The following ERC2 variants were observed in gnomAD, a reference collection of about 807,000 sequenced individuals.
ERC2 encodes ERC protein 2.
A neutral mutation model predicts 114.8 loss-of-function variants in ERC2; 42 were observed. That is an observed-to-expected ratio of 0.37 (90% confidence interval 0.29 to 0.47). ERC2 has a LOEUF of 0.47. Among genes scored for constraint, ERC2 ranks in the 20% least tolerant of loss-of-function variants. The pLI is 0.99. For synonymous variants in ERC2, 454 were observed against 425.5 expected, an observed-to-expected ratio of 1.07 and a Z score of -0.82; for missense variants, 939 against 1,150.7, an observed-to-expected ratio of 0.82 and a Z score of 2.66.
At chr3:56,360,518 T>C (rs563494355) in intron 2 of ERC2, among the ~76,000 whole-genome samples, 100 of 152,234 alleles carry the variant, frequency 6.6e-4, no homozygotes, top group Admixed American at 9.8e-4. Flanking sequence ...ACAATGTGTT[T>C]TGGGAGCTCC....
chr3:55,604,847 A>C (rs768142410), intron 17 of ERC2, among the ~76,000 whole-genome samples: 40 of 152,186 alleles, frequency 2.6e-4, no homozygotes, highest in Non-Finnish European at 4.4e-4. Context: ...CACATCATGG[A>C]CTGGTAGAAT....
At chr3:55,569,108 A>G (rs1177667609) in intron 17 of ERC2, among the ~76,000 whole-genome samples, 2 of 152,164 alleles carry the variant, frequency 1.3e-5, no homozygotes, top group African/African-American at 4.8e-5. Flanking sequence ...GTTGAGGGGG[A>G]GGGGCTGCAC....
chr3:56,222,643 G>A (rs1309609243), intron 3 of ERC2, among the ~76,000 whole-genome samples: 4 of 152,194 alleles, frequency 2.6e-5, no homozygotes, highest in African/African-American at 9.6e-5. Flanking sequence ...TGGAAGGTCA[G>A]AGTACAGTCA....
chr3:55,728,888 G>A (rs148380083), intron 15 of ERC2, among the ~76,000 whole-genome samples: 5 of 152,290 alleles, frequency 3.3e-5, no homozygotes, highest in South Asian at 2.1e-4. Flanking sequence ...TAAAAATCTC[G>A]TCAGGTGTGA....
intron 1 of ERC2, among the ~76,000 whole-genome samples, chr3:56,454,860 G>GA (rs1193227476): frequency 1.2e-3 from 23 of 18,884 alleles, no homozygotes; most frequent in East Asian, 4.0e-3. Flanking sequence ...CTCTGTCTCA[G>GA]AAAAAAAAAA....
chr3:56,172,422 A>G (rs982572091), intron 4 of ERC2, among the ~76,000 whole-genome samples: 1 of 152,218 alleles, frequency 6.6e-6, no homozygotes, highest in Admixed American at 6.5e-5. Flanking sequence ...GCACATGCCA[A>G]GAATTCAAGA....
intron 7 of ERC2, among the ~76,000 whole-genome samples, chr3:56,032,917 A>AGAGAGAC (rs1560056305): frequency 4.1e-4 from 31 of 76,038 alleles, no homozygotes; most frequent in African/African-American, 6.1e-4. Flanking sequence ...GAAAGAAAGA[A>AGAGAGAC]AGAAAGAAAG....
chr3:55,549,738 A>G (rs1181006209), intron 17 of ERC2, among the ~76,000 whole-genome samples: 1 of 151,848 alleles, frequency 6.6e-6, no homozygotes, highest in Admixed American at 6.6e-5. Context: ...GCCTGCTTTC[A>G]AAAGATGAAC....
In ERC2 at chr3:55,659,894, T is replaced by C. The variant is rs1249057911; in HGVS notation, c.*39+23900A>G. Among the ~76,000 whole-genome samples, 5 of 152,054 alleles carry C rather than the reference T, an allele frequency of 3.3e-5. No individual in the cohort carries two copies. In the South Asian group the frequency reaches 1.0e-3, roughly 32 times the overall value. Reference sequence around the variant, plus strand: ...AGGGTCACTACTTCTGGCTTCTGAATCTCGGTATGGCGTCTCTCCCATATT... The same window carrying C: ...AGGGTCACTACTTCTGGCTTCTGAACCTCGGTATGGCGTCTCTCCCATATT... On this transcript the variant is annotated intron_variant, in intron 17 of 17. Coordinates refer to ENST00000288221, the MANE Select transcript of ERC2 (RefSeq NM_015576.3).
At chr3:55,999,446 C>T (rs2071858860) in intron 10 of ERC2, among the ~76,000 whole-genome samples, 1 of 152,088 alleles carries the variant, frequency 6.6e-6, no homozygotes, top group African/African-American at 2.4e-5. Context: ...TCCTTGTTTA[C>T]TCTGACATAG....
intron 14 of ERC2, among the ~76,000 whole-genome samples, chr3:55,769,424 TC>T (rs1158782887): frequency 2.0e-5 from 3 of 151,906 alleles, no homozygotes; most frequent in East Asian, 3.9e-4. Context: ...TCTGAGCACA[TC>T]TTAGGGGGAA....
chr3:55,647,788 C>T, intron 17 of ERC2, among the ~76,000 whole-genome samples: 1 of 152,218 alleles, frequency 6.6e-6, no homozygotes, highest in East Asian at 1.9e-4. Flanking sequence ...CTTCATGTTT[C>T]AATCCCAGAA....
chr3:55,734,909 T>G lies in ERC2; in HGVS notation c.2574A>C (p.Ala858=), dbSNP rs895554886. 4 of 1,595,788 alleles carry G rather than the reference T, an allele frequency of 2.5e-6. No homozygotes were observed. In the Admixed American group the frequency reaches 7.0e-5, roughly 28 times the overall value. ...LEEILEMKQE[A]LLAAISEKDA... ...CTTTTTCACTGATGGCTGCAAGTAGTGCTTCCTGTCTGGTAAAATAAAGAT... is the reference window on the plus strand; with the variant it reads ...CTTTTTCACTGATGGCTGCAAGTAGGGCTTCCTGTCTGGTAAAATAAAGAT... The change falls in exon 15 of 18, where the codon GCA becomes GCC. Residue 858 remains alanine (A), a synonymous_variant. Coordinates refer to ENST00000288221, the MANE Select transcript of ERC2 (RefSeq NM_015576.3).
At chr3:55,533,421 T>A (rs577729361) in intron 17 of ERC2, among the ~76,000 whole-genome samples, 2 of 152,366 alleles carry the variant, frequency 1.3e-5, no homozygotes, top group South Asian at 2.1e-4. Flanking sequence ...CAACGTTTGC[T>A]GCATGCCCTG....
At chr3:56,315,370 A>G (rs1208997897) in intron 2 of ERC2, among the ~76,000 whole-genome samples, 2 of 152,232 alleles carry the variant, frequency 1.3e-5, no homozygotes, top group African/African-American at 4.8e-5. Flanking sequence ...AGTCAAAGCA[A>G]AAACCAGAAA....
chr3:55,606,375 A>T (rs2058642299), intron 17 of ERC2, among the ~76,000 whole-genome samples: 1 of 152,220 alleles, frequency 6.6e-6, no homozygotes, highest in African/African-American at 2.4e-5. Flanking sequence ...GTAGAGGAAG[A>T]TTCAAAACAT....
At chr3:55,640,171 A>T (rs73830699) in intron 17 of ERC2, among the ~76,000 whole-genome samples, 1 of 152,162 alleles carries the variant, frequency 6.6e-6, no homozygotes, top group Non-Finnish European at 1.5e-5. Flanking sequence ...ATTTTCTGTC[A>T]TCCTCTTTGG....
chr3:56,174,884 AG>A (rs2082885457), intron 3 of ERC2, among the ~76,000 whole-genome samples: 1 of 152,004 alleles, frequency 6.6e-6, no homozygotes, highest in South Asian at 2.1e-4. Flanking sequence ...AGGCTGAGGC[AG>A]GAGAATCCCT....
chr3:55,575,845 CTGTGCATTAGACA>C (rs1187740213), intron 17 of ERC2, among the ~76,000 whole-genome samples: 1 of 152,216 alleles, frequency 6.6e-6, no homozygotes, highest in African/African-American at 2.4e-5. Flanking sequence ...AAGCCCTGGG[CTGTGCATTAGACA>C]CATCTGATTG....
Sources: gnomAD v4.1 joint callset for allele counts (sites outside exome capture counted in the v4.1 genomes callset) on GRCh38, gnomAD v4.1.1 for gene constraint, MANE v1.5 for transcripts, NCBI Gene and HGNC (gene_info 2026-07-23, HGNC 2026-07-21) for gene names.